STAM: variants seen among roughly 807,000 people sequenced by gnomAD.
The protein encoded by STAM is signal transducing adapter molecule 1.
STAM carries 16 observed loss-of-function variants against 63.4 expected under a neutral mutation model. The observed-to-expected ratio is 0.25, with a 90% CI of 0.17 to 0.38. The LOEUF is 0.38. Among genes scored for constraint, STAM ranks in the 10% least tolerant of loss-of-function variants. The pLI is 1.00. For synonymous variants in STAM, 238 were observed against 223.9 expected, an observed-to-expected ratio of 1.06 and a Z score of -0.56; for missense variants, 636 against 657.1, an observed-to-expected ratio of 0.97 and a Z score of 0.35.
chr10:17,695,556 G>T (rs535630100), intron 7 of STAM, among the ~76,000 whole-genome samples: 3 of 152,100 alleles, frequency 2.0e-5, no homozygotes, highest in African/African-American at 7.2e-5. Flanking sequence ...CACTGAGTAT[G>T]TATATGTACT....
intron 2 of STAM, among the ~76,000 whole-genome samples, chr10:17,661,683 C>T (rs1411699356): frequency 6.6e-6 from 1 of 152,162 alleles, no homozygotes; most frequent in Non-Finnish European, 1.5e-5. Context: ...TGCACTAAAA[C>T]TTGAGTCACC....
chr10:17,706,221 A>T (rs1408790670), intron 12 of STAM, among the ~76,000 whole-genome samples: 1 of 149,962 alleles, frequency 6.7e-6, no homozygotes, highest in Non-Finnish European at 1.5e-5. Flanking sequence ...TAATTATGCT[A>T]ATAGTTTTTT....
intron 9 of STAM, among the ~76,000 whole-genome samples, chr10:17,701,261 G>A (rs557905360): frequency 3.1e-5 from 4 of 131,044 alleles, no homozygotes; most frequent in East Asian, 2.3e-4. Flanking sequence ...ATCTTTAAGC[G>A]TGTTTATGAA....
At chr10:17,690,374 G>C (rs1554826617) in intron 5 of STAM, among the ~76,000 whole-genome samples, 1 of 152,126 alleles carries the variant, frequency 6.6e-6, no homozygotes, top group Non-Finnish European at 1.5e-5. Context: ...AGTAAAGATA[G>C]GACTTAATTT....
chr10:17,659,304 A>T (rs1834067456), intron 1 of STAM, among the ~76,000 whole-genome samples: 1 of 152,074 alleles, frequency 6.6e-6, no homozygotes, highest in Non-Finnish European at 1.5e-5. Context: ...GGAAGCATAC[A>T]TAAGAATATC....
chr10:17,706,401 C>T lies in STAM; in HGVS notation c.1209+660C>T, dbSNP rs370360652. ...TTTTTTTTTTTTTTTTTTTTTGAGG[C>T]GGAGTCTCACTCCGTGGCCCAGGCT... On this transcript the variant is annotated intron_variant, in intron 12 of 13. Transcript: ENST00000377524. 9.1e-3 allele frequency among the ~76,000 whole-genome samples: 596 copies of T among 65,148 alleles called. 3 individuals are homozygous for T. The highest frequency in any genetic ancestry group is 0.031 in the African/African-American group (572 of 18,238). The allele number at this position is 65,148 out of a possible 152,430, so 42.7% of individuals were successfully genotyped here. A position where few individuals can be genotyped will look rare whatever the true frequency, so the allele number is the denominator to read the frequency against.
chr10:17,650,642 A>ACT (rs1833699490), intron 1 of STAM, among the ~76,000 whole-genome samples: 2 of 151,802 alleles, frequency 1.3e-5, no homozygotes, highest in Admixed American at 6.6e-5. Context: ...TTAGATCACC[A>ACT]CTCTCTCAGA....
chr10:17,707,301 T>C (rs1354696267), intron 12 of STAM, among the ~76,000 whole-genome samples: 1 of 151,960 alleles, frequency 6.6e-6, no homozygotes, highest in African/African-American at 2.4e-5. Flanking sequence ...TCCCAGCTAC[T>C]TGGGAGGCTG....
intron 1 of STAM, among the ~76,000 whole-genome samples, chr10:17,658,432 A>G (rs7098091): frequency 0.12 from 17,553 of 152,108 alleles, 1,107 homozygotes; most frequent in Middle Eastern, 0.16. Context: ...GTAGTCTATA[A>G]ATGTCAATTG....
intron 5 of STAM, among the ~76,000 whole-genome samples, chr10:17,689,054 A>G (rs1554826446): frequency 6.6e-6 from 1 of 152,194 alleles, no homozygotes; most frequent in African/African-American, 2.4e-5. Context: ...GGATATGGCT[A>G]AATAGCTTAA....
chr10:17,689,023 A>G (rs1201864201), intron 5 of STAM, among the ~76,000 whole-genome samples: 5 of 152,204 alleles, frequency 3.3e-5, no homozygotes, highest in Non-Finnish European at 7.3e-5. Flanking sequence ...CGACCAGTAC[A>G]TAAGTCTTCC....
intron 5 of STAM, 100 bp downstream of exon 5, chr10:17,688,273 C>T (rs1554826356): frequency 1.6e-6 from 2 of 1,219,566 alleles, no homozygotes; most frequent in Non-Finnish European, 2.2e-6. Flanking sequence ...ATTTTTACTA[C>T]TTCAGAGGAA....
At chr10:17,701,461 C>T (rs1195992891) in intron 9 of STAM, among the ~76,000 whole-genome samples, 5 of 152,102 alleles carry the variant, frequency 3.3e-5, no homozygotes, top group African/African-American at 9.7e-5. Context: ...TAGCCTGTTG[C>T]CTGTTTATTG....
chr10:17,692,314 A>T (rs1554826879), intron 5 of STAM, among the ~76,000 whole-genome samples: 1 of 152,214 alleles, frequency 6.6e-6, no homozygotes, highest in Non-Finnish European at 1.5e-5. Flanking sequence ...AGGTTGAGGG[A>T]TGCTTCATTG....
At chr10:17,698,630 C>T (rs782715694) in intron 8 of STAM, among the ~76,000 whole-genome samples, 7 of 152,022 alleles carry the variant, frequency 4.6e-5, no homozygotes, top group African/African-American at 9.7e-5. Context: ...GTCTATTTCA[C>T]TTAGCCTGTC....
chr10:17,653,169 T>C (rs1833803595), intron 1 of STAM, among the ~76,000 whole-genome samples: 1 of 152,156 alleles, frequency 6.6e-6, no homozygotes, highest in African/African-American at 2.4e-5. Context: ...GAGATTAAGT[T>C]CCACTGTGTG....
At chr10:17,650,080 G>T (rs1833678593) in intron 1 of STAM, among the ~76,000 whole-genome samples, 1 of 152,150 alleles carries the variant, frequency 6.6e-6, no homozygotes, top group Admixed American at 6.5e-5. Flanking sequence ...TACATACTTG[G>T]ACATTTTTTT....
At chr10:17,692,743 G>C (rs1056045394) in intron 5 of STAM, among the ~76,000 whole-genome samples, 2 of 151,998 alleles carry the variant, frequency 1.3e-5, no homozygotes, top group African/African-American at 4.8e-5. Context: ...CATTTATATC[G>C]TTTTATATAT....
At chr10:17,675,216 A>G (rs1389865499) in intron 2 of STAM, among the ~76,000 whole-genome samples, 1 of 152,180 alleles carries the variant, frequency 6.6e-6, no homozygotes, top group Non-Finnish European at 1.5e-5. Context: ...AGATAATAGC[A>G]TTTTTTGGCT....
Sources: allele counts gnomAD v4.1 joint callset (sites outside exome capture counted in the v4.1 genomes callset), GRCh38; gene constraint gnomAD v4.1.1; transcripts MANE v1.5; gene names NCBI Gene and HGNC (gene_info 2026-07-23, HGNC 2026-07-21).